The following PPP2R2B variants were observed in gnomAD, a reference collection of about 807,000 sequenced individuals.
The protein encoded by PPP2R2B is protein phosphatase 2 regulatory subunit Bbeta, also known as serine/threonine-protein phosphatase 2A 55 kDa regulatory subunit B beta isoform.
A neutral mutation model predicts 46.0 loss-of-function variants in PPP2R2B; 5 were observed. The ratio of observed to expected loss-of-function variants is 0.11; its 90% confidence interval spans 0.06 to 0.23. The LOEUF is 0.23. PPP2R2B is among the 10% of genes least tolerant of loss of function. The probability of loss-of-function intolerance (pLI) is 1.00; values close to 1 mark genes in which losing one functional copy is unlikely to be tolerated. For synonymous variants in PPP2R2B, 215 were observed against 206.7 expected (o/e 1.04, Z -0.34); for missense variants, 367 against 575.0 (o/e 0.64, Z 3.70).
At chr5:146,706,973 G>T in intron 2 of PPP2R2B, 1 of 1,011,298 alleles carries the variant, frequency 9.9e-7, no homozygotes, top group Non-Finnish European at 1.6e-6. Context: ...AGCCCTTCCA[G>T]GCAAGACTCC....
intron 5 of PPP2R2B, among the ~76,000 whole-genome samples, chr5:146,654,194 G>T (rs532903047): frequency 6.6e-6 from 1 of 152,248 alleles, no homozygotes; most frequent in Non-Finnish European, 1.5e-5. Flanking sequence ...CAACTCCAAG[G>T]TGTTATCTCC....
At chr5:146,856,398 A>G (rs1760667709) in intron 2 of PPP2R2B, 2 of 851,704 alleles carry the variant, frequency 2.3e-6, no homozygotes, top group Middle Eastern at 5.9e-4. Flanking sequence ...ATGTAAATTA[A>G]CTTGTGTCCC....
intron 3 of PPP2R2B, among the ~76,000 whole-genome samples, chr5:146,700,509 C>T (rs542295692): frequency 1.3e-5 from 2 of 152,222 alleles, no homozygotes; most frequent in Admixed American, 1.3e-4. Flanking sequence ...GCTCCAGGGC[C>T]CTCTGTGTCA....
intron 2 of PPP2R2B, among the ~76,000 whole-genome samples, chr5:147,078,706 G>A (rs1343337545): frequency 6.6e-6 from 1 of 151,894 alleles, no homozygotes; most frequent in Admixed American, 6.6e-5. Context: ...TACTTGGGAG[G>A]CTGAGGCAGG....
At chr5:147,014,806 G>A (rs1025162075) in intron 1 of PPP2R2B, among the ~76,000 whole-genome samples, 2 of 151,878 alleles carry the variant, frequency 1.3e-5, no homozygotes, top group Admixed American at 1.3e-4. Flanking sequence ...AGTGGGTGCA[G>A]TGCACCAGCA....
At chr5:146,697,929 T>C (rs772411142) in intron 4 of PPP2R2B, 50 bp downstream of exon 4, 63 of 1,531,520 alleles carry the variant, frequency 4.1e-5, no homozygotes, top group Non-Finnish European at 5.4e-5. Context: ...TTGAAGTATA[T>C]AGTTTGGCCG....
chr5:147,017,444 T>C (rs1239627627), intron 1 of PPP2R2B, among the ~76,000 whole-genome samples: 1 of 151,484 alleles, frequency 6.6e-6, no homozygotes, highest in Non-Finnish European at 1.5e-5. Flanking sequence ...ACATTTGTTA[T>C]CATTAGAAAA....
intron 1 of PPP2R2B, among the ~76,000 whole-genome samples, chr5:146,962,864 T>G (rs1424577583): frequency 6.6e-6 from 1 of 152,132 alleles, no homozygotes; most frequent in Non-Finnish European, 1.5e-5. Context: ...TTTTATGAGA[T>G]TATGTGTCTC....
intron 1 of PPP2R2B, among the ~76,000 whole-genome samples, chr5:146,965,229 ATGTT>A (rs1339048864): frequency 6.6e-6 from 1 of 152,192 alleles, no homozygotes; most frequent in Non-Finnish European, 1.5e-5. Context: ...TTTAAGCCAT[ATGTT>A]TGTTTCCTCC....
At chr5:146,782,100 C>A (rs1220684212) in intron 2 of PPP2R2B, among the ~76,000 whole-genome samples, 1 of 152,162 alleles carries the variant, frequency 6.6e-6, no homozygotes, top group Non-Finnish European at 1.5e-5. Context: ...TCCCCCTTTG[C>A]CCTCCACCAT....
rs145754015 is a variant in PPP2R2B at position 146,635,474 on chromosome 5, C to G, written c.790+2777G>C. On this transcript the variant is annotated intron_variant, in intron 7 of 9. Transcript: ENST00000394411. ...TCTTGTGTTCAGTTCATCAAGCTTC[C>G]CAGTCAGTTGATTCCCCAATATCCA... Among the ~76,000 whole-genome samples, 757 of 152,276 alleles carry G rather than the reference C, an allele frequency of 5.0e-3. 4 individuals are homozygous for G. The highest frequency in any genetic ancestry group is 0.017 in the African/African-American group (709 of 41,556).
At chr5:146,872,370 T>C (rs565354637) in intron 2 of PPP2R2B, among the ~76,000 whole-genome samples, 1 of 152,300 alleles carries the variant, frequency 6.6e-6, no homozygotes, top group Non-Finnish European at 1.5e-5. Context: ...AGCTCAAACA[T>C]TCATCCATAT....
At chr5:147,007,557 C>T (rs1294465803) in intron 1 of PPP2R2B, among the ~76,000 whole-genome samples, 2 of 152,182 alleles carry the variant, frequency 1.3e-5, no homozygotes. Context: ...TGGCAAACTG[C>T]TCAGGTCCCC....
chr5:146,902,031 G>A (rs527311232), intron 1 of PPP2R2B, among the ~76,000 whole-genome samples: 2 of 152,214 alleles, frequency 1.3e-5, no homozygotes, highest in East Asian at 1.9e-4. Context: ...AAAAATCTCT[G>A]AAGAGCTGAA....
At chr5:146,741,397 G>A (rs1752868156) in intron 2 of PPP2R2B, among the ~76,000 whole-genome samples, 1 of 152,148 alleles carries the variant, frequency 6.6e-6, no homozygotes, top group Admixed American at 6.5e-5. Context: ...ACATGTTGGT[G>A]TCAGGGGAAG....
chr5:146,802,469 T>C (rs6886172), intron 2 of PPP2R2B, among the ~76,000 whole-genome samples: 10 of 152,310 alleles, frequency 6.6e-5, no homozygotes, highest in African/African-American at 2.4e-4. Context: ...TGAAGCATCA[T>C]CTCATTCCAT....
intron 2 of PPP2R2B, among the ~76,000 whole-genome samples, chr5:146,701,409 G>A (rs1779529789): frequency 6.6e-6 from 1 of 152,194 alleles, no homozygotes; most frequent in Admixed American, 6.6e-5. Flanking sequence ...TTAAGGAAGA[G>A]AAAATTAACT....
At chr5:146,590,398 G>T (rs200846034) in intron 9 of PPP2R2B, among the ~76,000 whole-genome samples, 172 bp from the exon 10 acceptor site, 1,821 of 113,162 alleles carry the variant, frequency 0.016, 43 homozygotes, top group African/African-American at 0.053. Context: ...TTTTTTTTGT[G>T]TTTTTTTTTT....
intron 2 of PPP2R2B, among the ~76,000 whole-genome samples, chr5:146,803,672 C>T (rs1213706044): frequency 1.3e-5 from 2 of 152,100 alleles, no homozygotes; most frequent in African/African-American, 4.8e-5. Flanking sequence ...ATAAGGAAAG[C>T]TTAGCCCAGT....
Sources: allele counts gnomAD v4.1 joint callset (sites outside exome capture counted in the v4.1 genomes callset), GRCh38; gene constraint gnomAD v4.1.1; transcripts MANE v1.5; gene names NCBI Gene and HGNC (gene_info 2026-07-23, HGNC 2026-07-21).